Variants in GPHN observed in about 807,000 individuals in gnomAD.
GPHN encodes the protein gephyrin.
In GPHN, 17 loss-of-function variants were observed where a neutral mutation model predicts 95.5. The ratio of observed to expected loss-of-function variants is 0.18; its 90% CI spans 0.12 to 0.27. The LOEUF is 0.27. GPHN is among the 10% of genes least tolerant of loss of function. The pLI, the probability that GPHN is intolerant of heterozygous loss-of-function variation, is 1.00. For missense variants in GPHN, 660 were observed against 978.1 expected (o/e 0.67, Z 4.34); for synonymous variants, 320 against 322.5 (o/e 0.99, Z 0.08).
the GPHN span, chr14:67,647,846 A>G: frequency 1.7e-6 from 1 of 583,190 alleles, no homozygotes. Context: ...AGTATCATGA[A>G]GTGGTATGTA....
chr14:67,684,327 G>A, the GPHN span, among the ~76,000 whole-genome samples: 1 of 152,148 alleles, frequency 6.6e-6, no homozygotes, highest in Non-Finnish European at 1.5e-5. Context: ...GATCTTATGT[G>A]ATGCCTGGGA....
the GPHN span, chr14:67,200,210 A>G: frequency 9.0e-7 from 1 of 1,106,066 alleles, no homozygotes; most frequent in Non-Finnish European, 1.3e-6. Flanking sequence ...CCCCCCATGG[A>G]TACACTGGCC....
At chr14:66,816,871 T>C (rs1029986444) in intron 3 of GPHN, among the ~76,000 whole-genome samples, 2 of 152,128 alleles carry the variant, frequency 1.3e-5, no homozygotes, top group African/African-American at 4.8e-5. Flanking sequence ...AGGCTCCAGA[T>C]AGATACAGAG....
chr14:66,510,891 G>A (rs1160313548), intron 1 of GPHN, among the ~76,000 whole-genome samples: 2 of 152,096 alleles, frequency 1.3e-5, no homozygotes, highest in Non-Finnish European at 2.9e-5. Flanking sequence ...AGGGGAAGCC[G>A]TCTCATGAGA....
chr14:66,592,594 C>T (rs879027234), intron 1 of GPHN, among the ~76,000 whole-genome samples: 1 of 152,174 alleles, frequency 6.6e-6, no homozygotes, highest in Non-Finnish European at 1.5e-5. Flanking sequence ...ATCAAAACCA[C>T]AATGTGATAC....
chr14:66,743,756 A>G (rs2073010645), intron 2 of GPHN, among the ~76,000 whole-genome samples: 1 of 152,134 alleles, frequency 6.6e-6, no homozygotes, highest in Admixed American at 6.6e-5. Context: ...AACAACAACA[A>G]CAACAAAAAA....
At chr14:67,351,310 C>T in the GPHN span, among the ~76,000 whole-genome samples, 3 of 152,032 alleles carry the variant, frequency 2.0e-5, no homozygotes, top group Non-Finnish European at 4.4e-5. Flanking sequence ...AGCTACCTAC[C>T]TCACATCATA....
chr14:67,419,797 C>G, the GPHN span, among the ~76,000 whole-genome samples: 1,358 of 151,466 alleles, frequency 9.0e-3, 21 homozygotes, highest in African/African-American at 0.031. Flanking sequence ...TACAGTAAGC[C>G]GAGATCGCGC....
the GPHN span, among the ~76,000 whole-genome samples, chr14:67,286,466 GA>G: frequency 6.6e-6 from 1 of 152,136 alleles, no homozygotes; most frequent in Non-Finnish European, 1.5e-5. Context: ...ATTCCCTGCA[GA>G]ATTGTATAGA....
intron 1 of GPHN, among the ~76,000 whole-genome samples, chr14:66,517,449 T>C (rs1391526028): frequency 1.3e-5 from 2 of 152,132 alleles, no homozygotes; most frequent in African/African-American, 4.8e-5. Context: ...AAAGTTAAAA[T>C]TTGTATGGAA....
chr14:67,026,375 T>C (rs1255867112), intron 10 of GPHN, among the ~76,000 whole-genome samples: 2 of 152,214 alleles, frequency 1.3e-5, no homozygotes, highest in African/African-American at 2.4e-5. Flanking sequence ...TTACCATTAT[T>C]TTCTTGATAA....
chr14:67,102,004 T>G (rs1263159369), intron 13 of GPHN, among the ~76,000 whole-genome samples: 1 of 151,994 alleles, frequency 6.6e-6, no homozygotes, highest in Non-Finnish European at 1.5e-5. Flanking sequence ...CCCCAGCAGC[T>G]GGGACTACAG....
chr14:67,642,416 T>C, the GPHN span: 1 of 1,574,764 alleles, frequency 6.4e-7, no homozygotes, highest in Admixed American at 1.8e-5. Flanking sequence ...TGCTTGGGGC[T>C]CATAACTTAG....
At chr14:67,650,560 G>A in the GPHN span, 1 of 614,156 alleles carries the variant, frequency 1.6e-6, no homozygotes, top group Non-Finnish European at 2.8e-6. Context: ...TGGCCAAGAG[G>A]ATGAGGTGCA....
At chr14:66,623,601 G>C (rs969878566) in intron 1 of GPHN, among the ~76,000 whole-genome samples, 22 of 142,904 alleles carry the variant, frequency 1.5e-4, no homozygotes, top group African/African-American at 6.0e-4. Flanking sequence ...CTGTGTGTTG[G>C]AGTGAGACTC....
In GPHN at chr14:66,908,838, G is replaced by A. The variant is rs576295856; in HGVS notation, c.390-7165G>A. ...AATATCAGACAGACACCAGAAGTGG[G>A]CATTCTGCAAAAAAAAAAAAAACTG... On this transcript the variant is annotated intron_variant, in intron 5 of 22. Coordinates refer to ENST00000478722, the MANE Select transcript of GPHN (RefSeq NM_020806.5). 4.7e-5 allele frequency among the ~76,000 whole-genome samples: 7 copies of A among 149,906 alleles called. No individual in the cohort carries two copies. In the East Asian group the frequency reaches 9.8e-4, roughly 21 times the overall value.
intron 2 of GPHN, among the ~76,000 whole-genome samples, chr14:66,692,339 A>G (rs2153407873): frequency 6.6e-6 from 1 of 152,264 alleles, no homozygotes; most frequent in East Asian, 1.9e-4. Flanking sequence ...TGAGGTACTA[A>G]CATTTATCAA....
intron 8 of GPHN, among the ~76,000 whole-genome samples, chr14:66,942,199 A>G (rs1474252734): frequency 6.6e-6 from 1 of 152,150 alleles, no homozygotes; most frequent in Admixed American, 6.6e-5. Flanking sequence ...TTTAGTAGAG[A>G]CAGTGTTTCA....
chr14:67,559,460 C>T, the GPHN span: 1 of 606,146 alleles, frequency 1.6e-6, no homozygotes. Flanking sequence ...GTTACCTTAT[C>T]AAATAATATT....
Sources: gnomAD v4.1 joint callset for allele counts (sites outside exome capture counted in the v4.1 genomes callset) on GRCh38, gnomAD v4.1.1 for gene constraint, MANE v1.5 for transcripts, NCBI Gene and HGNC (gene_info 2026-07-23, HGNC 2026-07-21) for gene names.